Variants in KCNMB2 observed in about 807,000 individuals in gnomAD.
KCNMB2 encodes calcium-activated potassium channel subunit beta-2.
KCNMB2 carries 9 observed loss-of-function variants against 24.5 expected under a neutral mutation model. That is an observed-to-expected ratio of 0.37 (90% CI 0.22 to 0.64). The LOEUF (loss-of-function observed/expected upper bound fraction) is 0.64. Ranked by LOEUF, KCNMB2 falls within the 30% of genes least tolerant of loss-of-function variation. The pLI is 0.63. For missense variants in KCNMB2, 226 were observed against 284.3 expected, an observed-to-expected ratio of 0.79 and a Z score of 1.47; for synonymous variants, 109 against 104.4, an observed-to-expected ratio of 1.04 and a Z score of -0.27.
At chr3:178,641,708 C>T (rs1719734641) in intron 1 of KCNMB2, among the ~76,000 whole-genome samples, 1 of 151,946 alleles carries the variant, frequency 6.6e-6, no homozygotes, top group African/African-American at 2.4e-5. Context: ...CAATGTTGAA[C>T]AGAAGTAGTA....
At chr3:178,726,529 C>T (rs886988216) in intron 1 of KCNMB2, among the ~76,000 whole-genome samples, 1 of 151,438 alleles carries the variant, frequency 6.6e-6, no homozygotes, top group Non-Finnish European at 1.5e-5. Flanking sequence ...TACCTTCGTT[C>T]CTGAAGAATA....
At chr3:178,795,048 C>T (rs1713482139) in intron 1 of KCNMB2, 1 of 152,052 alleles carries the variant, frequency 6.6e-6, no homozygotes, top group Non-Finnish European at 1.5e-5. Flanking sequence ...ATCAGGGAAA[C>T]CTGAACTGAT....
At chr3:178,618,773 G>C (rs958643600) in intron 1 of KCNMB2, among the ~76,000 whole-genome samples, 1 of 152,296 alleles carries the variant, frequency 6.6e-6, no homozygotes, top group Admixed American at 6.5e-5. Flanking sequence ...AGATAGAGGA[G>C]AGGCTAAGAG....
chr3:178,833,509 G>A (rs950717809), intron 4 of KCNMB2, among the ~76,000 whole-genome samples: 5 of 152,144 alleles, frequency 3.3e-5, no homozygotes, highest in African/African-American at 1.2e-4. Flanking sequence ...CATGCAAAAT[G>A]AGGAATATTC....
At chr3:178,573,804 G>A (rs1180955926) in intron 1 of KCNMB2, among the ~76,000 whole-genome samples, 1 of 149,726 alleles carries the variant, frequency 6.7e-6, no homozygotes, top group Non-Finnish European at 1.5e-5. Context: ...TATGAGACAT[G>A]GCACTAAGCA....
chr3:178,652,441 A>G (rs1173273972), intron 1 of KCNMB2, among the ~76,000 whole-genome samples: 3 of 151,168 alleles, frequency 2.0e-5, no homozygotes, highest in Non-Finnish European at 3.0e-5. Flanking sequence ...CGTTCTGCAC[A>G]TGTACCCCAG....
chr3:178,770,940 T>C (rs1446661629), intron 1 of KCNMB2, among the ~76,000 whole-genome samples: 2 of 152,076 alleles, frequency 1.3e-5, no homozygotes, highest in Non-Finnish European at 2.9e-5. Context: ...AATTTGGGGG[T>C]AAATGAATAG....
At chr3:178,796,495 T>C (rs1258360010) in intron 1 of KCNMB2, among the ~76,000 whole-genome samples, 2 of 152,168 alleles carry the variant, frequency 1.3e-5, no homozygotes, top group Non-Finnish European at 2.9e-5. Flanking sequence ...GGATAAACCA[T>C]AAGTTATGCC....
intron 1 of KCNMB2, among the ~76,000 whole-genome samples, chr3:178,670,516 T>C (rs1238961243): frequency 6.6e-6 from 1 of 152,158 alleles, no homozygotes; most frequent in East Asian, 1.9e-4. Context: ...GTTAAGCAAG[T>C]TAAAAATTAG....
At chr3:178,794,201 G>A (rs1207820751) in intron 1 of KCNMB2, among the ~76,000 whole-genome samples, 2 of 152,060 alleles carry the variant, frequency 1.3e-5, no homozygotes, top group South Asian at 2.1e-4. Flanking sequence ...CCCTTCACAC[G>A]TCTGCTCTGT....
At chr3:178,584,978 G>C (rs929422487) in intron 1 of KCNMB2, among the ~76,000 whole-genome samples, 2 of 152,146 alleles carry the variant, frequency 1.3e-5, no homozygotes, top group Admixed American at 6.5e-5. Context: ...TATCTACAAT[G>C]TTCTTTCTTG....
chr3:178,759,417 ATATATC>A (rs762731578), intron 1 of KCNMB2, among the ~76,000 whole-genome samples: 4,982 of 31,480 alleles, frequency 0.16, 1,482 homozygotes, highest in African/African-American at 0.53. Flanking sequence ...ATATATATAT[ATATATC>A]TCTCCAAGAG....
intron 1 of KCNMB2, among the ~76,000 whole-genome samples, chr3:178,715,480 C>T (rs1722591595): frequency 6.6e-6 from 1 of 151,622 alleles, no homozygotes; most frequent in African/African-American, 2.4e-5. Context: ...TGAAGTTCAC[C>T]TTCTCAACAT....
At chr3:178,617,432 C>T (rs1718746554) in intron 1 of KCNMB2, among the ~76,000 whole-genome samples, 1 of 151,834 alleles carries the variant, frequency 6.6e-6, no homozygotes, top group African/African-American at 2.4e-5. Context: ...GTGGCAGGCA[C>T]CTGTAGTCCC....
chr3:178,757,622 G>C (rs1341387554), intron 1 of KCNMB2, among the ~76,000 whole-genome samples: 1 of 34,628 alleles, frequency 2.9e-5, no homozygotes, highest in Non-Finnish European at 5.6e-5. Flanking sequence ...ATATCCAAGA[G>C]GATATATATA....
At chr3:178,720,330 A>C (rs1722757947) in intron 1 of KCNMB2, among the ~76,000 whole-genome samples, 1 of 148,280 alleles carries the variant, frequency 6.7e-6, no homozygotes, top group Non-Finnish European at 1.5e-5. Flanking sequence ...TTATGGCTGC[A>C]TAGTATTCCA....
intron 1 of KCNMB2, among the ~76,000 whole-genome samples, chr3:178,586,082 A>G (rs965152826): frequency 2.0e-4 from 30 of 152,130 alleles, no homozygotes; most frequent in Non-Finnish European, 5.9e-5. Flanking sequence ...CTGTTTCTCT[A>G]CCCTGTCTCT....
chr3:178,820,037 C>T (rs1320951716), intron 2 of KCNMB2, among the ~76,000 whole-genome samples: 1 of 152,144 alleles, frequency 6.6e-6, no homozygotes, highest in Non-Finnish European at 1.5e-5. Context: ...AAGAAAAATA[C>T]ACTTTATGAT....
rs113424239 is a variant in KCNMB2, at chr3:178,768,470, CTA to C, written c.-67-38872_-67-38871del. 3.9e-4 allele frequency among the ~76,000 whole-genome samples: 59 copies of C among 152,106 alleles called. 1 individual carries two copies. In the South Asian group the frequency reaches 0.011, roughly 28 times the overall value. On this transcript the variant is annotated intron_variant, in intron 1 of 4. Coordinates refer to ENST00000452583, the MANE Select transcript of KCNMB2 (RefSeq NM_181361.3). ...GATAAATAAAAATTTATCATGTACT[CTA>C]AATGATAATCTCAAATCAAAGAAAT...
Sources: gnomAD v4.1 joint callset for allele counts (sites outside exome capture counted in the v4.1 genomes callset) on GRCh38, gnomAD v4.1.1 for gene constraint, MANE v1.5 for transcripts, NCBI Gene and HGNC (gene_info 2026-07-23, HGNC 2026-07-21) for gene names.